Variants in KANK4 observed in about 807,000 individuals in gnomAD.
KANK4 encodes KN motif and ankyrin repeat domains 4.
In KANK4, 50 loss-of-function variants were observed where a neutral mutation model predicts 80.8. That is an observed-to-expected ratio of 0.62 (90% CI 0.49 to 0.78). KANK4 has a LOEUF of 0.78. Ranked by LOEUF, KANK4 falls within the 30% of genes least tolerant of loss-of-function variation. The pLI, the probability that KANK4 is intolerant of heterozygous loss-of-function variation, is 0.00. For missense variants in KANK4, 1,196 were observed against 1,240.1 expected, an observed-to-expected ratio of 0.96 and a Z score of 0.53; for synonymous variants, 465 against 506.9, an observed-to-expected ratio of 0.92 and a Z score of 1.11.
chr1:62,296,784 CCCG>C (rs1644368104), intron 1 of KANK4, among the ~76,000 whole-genome samples: 1 of 151,988 alleles, frequency 6.6e-6, no homozygotes, highest in Admixed American at 6.5e-5. Context: ...AAGTGATCTA[CCCG>C]CCTTGGCCTC....
chr1:62,303,950 T>C (rs960371123), intron 1 of KANK4, among the ~76,000 whole-genome samples: 6 of 152,010 alleles, frequency 3.9e-5, no homozygotes, highest in Non-Finnish European at 5.9e-5. Flanking sequence ...CTCAGCTCAC[T>C]GGAACTTCCG....
At chr1:62,306,535 T>C (rs928924447) in intron 1 of KANK4, among the ~76,000 whole-genome samples, 1 of 152,180 alleles carries the variant, frequency 6.6e-6, no homozygotes, top group African/African-American at 2.4e-5. Context: ...CCACCAGTTC[T>C]TGACAGTTTA....
In KANK4 at chr1:62,318,681, C is replaced by G. The variant is rs1644563088; in HGVS notation, c.-71+425G>C. ...GCCCGCGGCAAAGAACGCCCAGTCC[C>G]GCAGGCTGCATCCCAGACCGCAGCG... On this transcript the variant is annotated intron_variant, in intron 1 of 9. Transcript: ENST00000371153. 2.0e-5 allele frequency among the ~76,000 whole-genome samples: 3 copies of G among 152,328 alleles called. No individual in the cohort carries two copies. In the South Asian group the frequency reaches 6.2e-4, roughly 32 times the overall value.
chr1:62,292,376 C>A (rs1392068357), intron 1 of KANK4, among the ~76,000 whole-genome samples: 5 of 152,110 alleles, frequency 3.3e-5, no homozygotes, highest in African/African-American at 1.2e-4. Context: ...ATGAGAACTG[C>A]ACTCTAAGCC....
At chr1:62,288,552 A>G (rs1672616897) in intron 1 of KANK4, among the ~76,000 whole-genome samples, 1 of 132,030 alleles carries the variant, frequency 7.6e-6, no homozygotes. Flanking sequence ...ACAGAATGCA[A>G]CTTAAATAGG....
intron 7 of KANK4, among the ~76,000 whole-genome samples, chr1:62,262,124 G>T (rs2666474): frequency 0.69 from 104,245 of 152,014 alleles, 36,730 homozygotes; most frequent in East Asian, 0.83. Context: ...ATGGAGCCAT[G>T]ACCTTTGTTA....
intron 7 of KANK4, among the ~76,000 whole-genome samples, chr1:62,259,761 CAATATAATTTATAATT>C (rs1212874943): frequency 4.1e-5 from 6 of 148,022 alleles, no homozygotes; most frequent in Non-Finnish European, 8.9e-5. Flanking sequence ...ATTATAAAGA[CAATATAATTTATAATT>C]AATATAATTT....
chr1:62,279,196 GCGCACACACA>G (rs1330093505), intron 2 of KANK4, among the ~76,000 whole-genome samples: 2 of 51,748 alleles, frequency 3.9e-5, no homozygotes, highest in East Asian at 3.7e-4. Flanking sequence ...AAGCTAGCGC[GCGCACACACA>G]CACACACACA....
intron 1 of KANK4, among the ~76,000 whole-genome samples, chr1:62,305,608 C>A: frequency 6.6e-6 from 1 of 151,440 alleles, no homozygotes; most frequent in Non-Finnish European, 1.5e-5. Context: ...ACCATGCCTG[C>A]CCCTGCTTGA....
Position 62,274,617 on chromosome 1 carries a change from A to T in KANK4, c.487T>A (p.Ser163Thr), listed in dbSNP as rs770974117. 15 of 1,614,010 alleles carry T rather than the reference A, an allele frequency of 9.3e-6. No homozygotes were observed. Among genetic ancestry groups the T allele is most frequent in the Non-Finnish European group, 1.3e-5 (15 of 1,180,020 alleles). ...TGCAGCAGCGTGGCAGGCATGCTGG[A>T]TGCTCTCAAGAGCTGGGGCCGTCCA... ...GSGRPQLLRA[S>T]SMPATLLHSR... The change falls in exon 3 of 10, where the codon TCC (serine) becomes ACC (threonine). Residue 163 changes from serine (S) to threonine (T), a missense_variant. By Grantham distance (58) the Ser-to-Thr change is moderately conservative (BLOSUM62 1). This residue lies in a region of KANK4 where 1,154 missense variants were observed against 1,179.6 expected (regional missense o/e 0.98). Coordinates refer to ENST00000371153, the MANE Select transcript of KANK4 (RefSeq NM_181712.5).
Position 62,281,545 on chromosome 1 carries a change from C to T in KANK4, c.16+4G>A. 2.5e-6 allele frequency: 4 copies of T among 1,614,210 alleles called. No individual in the cohort carries two copies. The highest frequency in any genetic ancestry group is 3.4e-6 in the Non-Finnish European group (4 of 1,180,030). On this transcript the variant is annotated splice_donor_region_variant and intron_variant, in intron 2 of 9. Coordinates refer to ENST00000371153, the MANE Select transcript of KANK4 (RefSeq NM_181712.5). ...AACCAGGCCCTACAAAGCAGCTTGCCTACCATCTGTCTTCTCCATCTTTGG... is the reference window on the plus strand; with the variant it reads ...AACCAGGCCCTACAAAGCAGCTTGCTTACCATCTGTCTTCTCCATCTTTGG...
intron 9 of KANK4, among the ~76,000 whole-genome samples, chr1:62,241,805 T>C (rs1168528371): frequency 6.6e-6 from 1 of 152,226 alleles, no homozygotes; most frequent in Non-Finnish European, 1.5e-5. Flanking sequence ...CTGCTGTGCC[T>C]TGTCAATCCT....
intron 1 of KANK4, chr1:62,298,082 G>A (rs998312155): frequency 1.3e-5 from 2 of 152,200 alleles, no homozygotes; most frequent in South Asian, 4.1e-4. Flanking sequence ...GGTCCTCCCT[G>A]TCAATAATAA....
intron 3 of KANK4, 118 bp from the exon 4 acceptor site, chr1:62,271,707 A>C (rs1672168076): frequency 1.4e-6 from 1 of 701,598 alleles, no homozygotes; most frequent in Non-Finnish European, 2.6e-6. Context: ...GTAAGGAGGG[A>C]CAGGGAACCA....
At chr1:62,241,187 C>T (rs148208779) in intron 9 of KANK4, among the ~76,000 whole-genome samples, 15 of 152,214 alleles carry the variant, frequency 9.9e-5, no homozygotes, top group African/African-American at 2.4e-4. Flanking sequence ...TTCCCATGCA[C>T]GGGGATAGAA....
rs1315873891 is a variant in KANK4 at position 62,273,585 on chromosome 1, C to G, written c.1519G>C (p.Glu507Gln). The change falls in exon 3 of 10, where the codon GAA becomes CAA. Residue 507 changes from glutamate (E) to glutamine (Q), a missense_variant. Physicochemically the swap from Glu to Gln is conservative, Grantham distance 29. Coordinates refer to ENST00000371153, the MANE Select transcript of KANK4 (RefSeq NM_181712.5). The stretch of plus-strand genomic sequence containing the variant: ...CCTCCCTGAGGGCCTCCTTCCTGTT[C>G]AGTGCCTGCTTCTTCAATCCTGAGT... ...TELRIEEAGT[E>Q]QEGGPQGGTR... The G allele has an allele frequency of 5.5e-5, 88 of 1,614,002 alleles. No homozygotes were observed. The highest frequency in any genetic ancestry group is 6.9e-5 in the Non-Finnish European group (82 of 1,180,010).
chr1:62,313,734 C>T (rs1233371592), intron 1 of KANK4, among the ~76,000 whole-genome samples: 3 of 152,024 alleles, frequency 2.0e-5, no homozygotes, highest in African/African-American at 7.2e-5. Context: ...AGCATTAGGA[C>T]AAATACCTAA....
At chr1:62,293,388 C>G (rs569078766) in intron 1 of KANK4, among the ~76,000 whole-genome samples, 1 of 152,060 alleles carries the variant, frequency 6.6e-6, no homozygotes, top group Non-Finnish European at 1.5e-5. Context: ...AGCCACCATG[C>G]CCGGCCTCAA....
rs373696187 is a variant in KANK4, at chr1:62,275,044, C to T, written c.60G>A (p.Pro20=). Reference sequence around the variant, plus strand: ...TCTCCACAGAATAAGGGTGGCTCTTCGGAGGGTCTTTCTCTTCATCCCCCT... The same window carrying T: ...TCTCCACAGAATAAGGGTGGCTCTTTGGAGGGTCTTTCTCTTCATCCCCCT... ...SSQGDEEKDP[P]KSHPYSVETP... is the part of the protein sequence containing the mutation. Residue 20 remains proline (P), a synonymous_variant, in exon 3 of 10, where the codon CCG becomes CCA. Transcript: ENST00000371153. 1.4e-5 allele frequency: 23 copies of T among 1,613,408 alleles called. No individual in the cohort carries two copies. Among genetic ancestry groups the T allele is most frequent in the Middle Eastern group, 1.6e-4 (1 of 6,080 alleles).
Sources: gnomAD v4.1 joint callset for allele counts (sites outside exome capture counted in the v4.1 genomes callset) on GRCh38, gnomAD v4.1.1 for gene constraint, gnomAD v4.1.1 regional missense constraint, MANE v1.5 for transcripts, NCBI Gene and HGNC (gene_info 2026-07-23, HGNC 2026-07-21) for gene names.